Variants in TENM3 observed in about 807,000 individuals in gnomAD.
TENM3 encodes teneurin transmembrane protein 3, also known as teneurin-3.
A neutral mutation model predicts 255.1 loss-of-function variants in TENM3; 63 were observed. That is an observed-to-expected ratio of 0.25 (90% CI 0.20 to 0.30). The LOEUF (loss-of-function observed/expected upper bound fraction) is 0.30, where lower values mean the gene tolerates loss of function less well. Among genes scored for constraint, TENM3 ranks in the 10% least tolerant of loss-of-function variants. TENM3 has a pLI of 1.00. For missense variants in TENM3, 2,929 were observed against 3,461.1 expected (o/e 0.85, Z 3.86); for synonymous variants, 1,306 against 1,322.3 (o/e 0.99, Z 0.27).
chr4:182,301,189 T>C (rs1470501814), intron 1 of TENM3, among the ~76,000 whole-genome samples: 1 of 152,230 alleles, frequency 6.6e-6, no homozygotes, highest in Non-Finnish European at 1.5e-5. Flanking sequence ...GGCAGGACTT[T>C]TGCAGTCAGA....
the TENM3 span, among the ~76,000 whole-genome samples, chr4:181,469,807 A>G: frequency 1.6e-3 from 238 of 152,292 alleles, 2 homozygotes; most frequent in Admixed American, 3.1e-3. Context: ...ACAAAATCAT[A>G]TTAAATTGTT....
chr4:182,202,652 A>C (rs1211072134), intron 1 of TENM3, among the ~76,000 whole-genome samples: 2 of 152,008 alleles, frequency 1.3e-5, no homozygotes, highest in Admixed American at 6.6e-5. Context: ...CTTCGCTTAC[A>C]ATCTGGGACT....
the TENM3 span, chr4:181,975,721 G>C: frequency 6.6e-6 from 1 of 152,354 alleles, no homozygotes; most frequent in African/African-American, 2.4e-5. Flanking sequence ...AGCAGAGGAG[G>C]GGGTGAGCAG....
the TENM3 span, among the ~76,000 whole-genome samples, chr4:182,018,254 C>T: frequency 6.6e-6 from 1 of 152,190 alleles, no homozygotes; most frequent in Non-Finnish European, 1.5e-5. Flanking sequence ...GAAGATCCTT[C>T]GCCTTCTGTC....
intron 4 of TENM3, among the ~76,000 whole-genome samples, chr4:182,603,435 A>G (rs1748090077): frequency 6.6e-6 from 1 of 152,094 alleles, no homozygotes; most frequent in African/African-American, 2.4e-5. Context: ...TTTTCTCGTT[A>G]TCCAAAGTTC....
At chr4:182,307,017 A>G (rs937118998) in intron 1 of TENM3, among the ~76,000 whole-genome samples, 3 of 152,244 alleles carry the variant, frequency 2.0e-5, no homozygotes, top group African/African-American at 7.2e-5. Context: ...TTACACGTTT[A>G]CTACCACATA....
At chr4:182,592,447 G>A (rs1746758067) in intron 3 of TENM3, among the ~76,000 whole-genome samples, 1 of 152,206 alleles carries the variant, frequency 6.6e-6, no homozygotes, top group South Asian at 2.1e-4. Flanking sequence ...GATGGAGCCG[G>A]GCATGGTGGC....
chr4:181,813,038 G>A, the TENM3 span, among the ~76,000 whole-genome samples: 1 of 152,128 alleles, frequency 6.6e-6, no homozygotes, highest in East Asian at 1.9e-4. Flanking sequence ...TTACAAAATA[G>A]ACTGGGTGGC....
the TENM3 span, among the ~76,000 whole-genome samples, chr4:181,591,747 A>C: frequency 2.0e-5 from 3 of 152,164 alleles, no homozygotes. Flanking sequence ...TCAATATGAT[A>C]ATCTAAGGCC....
the TENM3 span, among the ~76,000 whole-genome samples, chr4:181,892,186 A>G: frequency 6.6e-6 from 1 of 152,168 alleles, no homozygotes; most frequent in South Asian, 2.1e-4. Context: ...TCCTACTTCA[A>G]TGAATGTCTC....
At chr4:182,372,282 T>G (rs1210396778) in intron 3 of TENM3, among the ~76,000 whole-genome samples, 2 of 152,200 alleles carry the variant, frequency 1.3e-5, no homozygotes, top group African/African-American at 4.8e-5. Context: ...CAGCAATATA[T>G]GTACTGTCAA....
chr4:182,158,991 C>T (rs1750905805), intron 1 of TENM3, among the ~76,000 whole-genome samples: 1 of 152,162 alleles, frequency 6.6e-6, no homozygotes, highest in Non-Finnish European at 1.5e-5. Context: ...AGTTGGGCTC[C>T]GAAATTAGAG....
At chr4:182,223,389 A>AT (rs375941717) in intron 1 of TENM3, among the ~76,000 whole-genome samples, 4,184 of 149,748 alleles carry the variant, frequency 0.028, 71 homozygotes, top group Middle Eastern at 0.091. Flanking sequence ...TTTTAATAAC[A>AT]TTTTTTTTTT....
the TENM3 span, among the ~76,000 whole-genome samples, chr4:181,606,647 G>A: frequency 6.6e-6 from 1 of 152,042 alleles, no homozygotes; most frequent in South Asian, 2.1e-4. Context: ...CTCTGCTCTT[G>A]TTGTTCTTTC....
chr4:182,690,145 C>T (rs905147506), intron 12 of TENM3, among the ~76,000 whole-genome samples: 4 of 152,180 alleles, frequency 2.6e-5, no homozygotes, highest in Admixed American at 1.3e-4. Flanking sequence ...TCCTGCAGAT[C>T]AGGCCCACTG....
At chr4:181,612,506 G>C in the TENM3 span, among the ~76,000 whole-genome samples, 2 of 151,500 alleles carry the variant, frequency 1.3e-5, no homozygotes, top group Non-Finnish European at 2.9e-5. Flanking sequence ...GTGTGTGTGT[G>C]TGTGTGTGTG....
At chr4:181,527,143 C>A in the TENM3 span, among the ~76,000 whole-genome samples, 1 of 152,184 alleles carries the variant, frequency 6.6e-6, no homozygotes, top group Non-Finnish European at 1.5e-5. Context: ...CAGTTCCAAT[C>A]TACAAACTGT....
chr4:181,523,061 A>G, the TENM3 span: 2 of 579,398 alleles, frequency 3.5e-6, no homozygotes, highest in African/African-American at 1.9e-5. Context: ...TCAGATTACA[A>G]ATGTATGAGC....
At chr4:182,521,173 A>G (rs369849627) in intron 3 of TENM3, among the ~76,000 whole-genome samples, 9 of 152,352 alleles carry the variant, frequency 5.9e-5, no homozygotes, top group African/African-American at 1.9e-4. Context: ...GAAAGGAAGT[A>G]TCATGCACTC....
Sources: allele counts gnomAD v4.1 joint callset (sites outside exome capture counted in the v4.1 genomes callset), GRCh38; gene constraint gnomAD v4.1.1; transcripts MANE v1.5; gene names NCBI Gene and HGNC (gene_info 2026-07-23, HGNC 2026-07-21).